CACNB2: variants seen among roughly 807,000 people sequenced by gnomAD.
The protein encoded by CACNB2 is calcium voltage-gated channel auxiliary subunit beta 2.
Under a neutral mutation model 73.3 loss-of-function variants are expected in CACNB2, and 42 were observed. That is an observed-to-expected ratio of 0.57 (90% CI 0.45 to 0.74). CACNB2 has a LOEUF of 0.74. Ranked by LOEUF, CACNB2 falls within the 30% of genes least tolerant of loss-of-function variation. The pLI, the probability that CACNB2 is intolerant of heterozygous loss-of-function variation, is 0.00. For synonymous variants in CACNB2, 348 were observed against 310.3 expected (o/e 1.12, Z -1.28); for missense variants, 940 against 853.0 (o/e 1.10, Z -1.27).
intron 3 of CACNB2, among the ~76,000 whole-genome samples, chr10:18,483,309 T>C (rs1279396335): frequency 6.6e-6 from 1 of 150,918 alleles, no homozygotes; most frequent in East Asian, 1.9e-4. Context: ...GGCCGGTGGA[T>C]CACCTGAGGT....
At chr10:18,328,895 C>G (rs1297393454) in intron 2 of CACNB2, among the ~76,000 whole-genome samples, 2 of 152,184 alleles carry the variant, frequency 1.3e-5, no homozygotes, top group African/African-American at 4.8e-5. Context: ...CTCCCAAAGA[C>G]TGTATTTATG....
At chr10:18,245,355 G>A (rs901516933) in intron 2 of CACNB2, among the ~76,000 whole-genome samples, 21 of 152,224 alleles carry the variant, frequency 1.4e-4, no homozygotes, top group African/African-American at 4.3e-4. Flanking sequence ...GTCTCACTCC[G>A]TTGCACAGGC....
intron 2 of CACNB2, among the ~76,000 whole-genome samples, chr10:18,151,731 A>G (rs995448338): frequency 6.6e-6 from 1 of 152,124 alleles, no homozygotes; most frequent in African/African-American, 2.4e-5. Context: ...ACCCCTCTCC[A>G]TGGGGTGGAA....
intron 2 of CACNB2, among the ~76,000 whole-genome samples, chr10:18,191,352 T>C (rs1030523922): frequency 1.3e-5 from 2 of 152,236 alleles, no homozygotes; most frequent in African/African-American, 4.8e-5. Flanking sequence ...CCCCCGTGTA[T>C]TGCTGCTTTT....
rs570805829 is a variant in CACNB2, at chr10:18,230,131, A to G, written c.213+79156A>G. ...GGAAATTATTGACATCATATTTTACATAGTTGGTTCAAAAGGGCTAACTCA... is the reference window on the plus strand; with the variant it reads ...GGAAATTATTGACATCATATTTTACGTAGTTGGTTCAAAAGGGCTAACTCA... On this transcript the variant is annotated intron_variant, in intron 2 of 13. Coordinates refer to ENST00000324631, the MANE Select transcript of CACNB2 (RefSeq NM_201596.3). 2.6e-5 allele frequency among the ~76,000 whole-genome samples: 4 copies of G among 152,338 alleles called. No individual in the cohort carries two copies. The South Asian group carries it at 8.3e-4, about 32-fold the overall frequency.
intron 6 of CACNB2, among the ~76,000 whole-genome samples, chr10:18,507,324 G>A (rs1303980290): frequency 6.6e-6 from 1 of 152,146 alleles, no homozygotes; most frequent in African/African-American, 2.4e-5. Flanking sequence ...AAGAAGTATA[G>A]AAAAAAGATG....
chr10:18,371,778 G>C (rs533184894), intron 2 of CACNB2, among the ~76,000 whole-genome samples: 2 of 152,108 alleles, frequency 1.3e-5, no homozygotes, highest in African/African-American at 4.8e-5. Context: ...GAATCACCAC[G>C]CTGACTTCCA....
intron 2 of CACNB2, among the ~76,000 whole-genome samples, chr10:18,384,184 G>A (rs75054099): frequency 6.6e-6 from 1 of 152,148 alleles, no homozygotes; most frequent in Non-Finnish European, 1.5e-5. Flanking sequence ...AGATCAATAG[G>A]ACCAGCATAT....
At chr10:18,261,200 CT>C (rs1464444774) in intron 2 of CACNB2, 3 of 1,549,506 alleles carry the variant, frequency 1.9e-6, no homozygotes, top group East Asian at 4.9e-5. Context: ...TGGACCGAGG[CT>C]GTGACGAGAA....
At chr10:18,389,674 C>G (rs2043379781) in intron 2 of CACNB2, among the ~76,000 whole-genome samples, 1 of 152,158 alleles carries the variant, frequency 6.6e-6, no homozygotes, top group Admixed American at 6.6e-5. Context: ...CTAGGTACAT[C>G]TAAATGCATG....
chr10:18,315,296 T>G (rs372166820), intron 2 of CACNB2, among the ~76,000 whole-genome samples: 266 of 151,670 alleles, frequency 1.8e-3, no homozygotes, highest in South Asian at 3.5e-3. Flanking sequence ...ATCACACCAC[T>G]GCACTCCAGC....
intron 2 of CACNB2, among the ~76,000 whole-genome samples, chr10:18,350,185 C>T (rs921670884): frequency 3.9e-5 from 6 of 152,124 alleles, no homozygotes; most frequent in African/African-American, 1.2e-4. Context: ...ATGGAGGTTG[C>T]AGTGAGCCGA....
intron 6 of CACNB2, among the ~76,000 whole-genome samples, chr10:18,507,565 A>C (rs907025825): frequency 6.6e-6 from 1 of 152,212 alleles, no homozygotes; most frequent in Non-Finnish European, 1.5e-5. Context: ...ATATTTGCTA[A>C]ATCTGGGAAC....
chr10:18,433,998 G>A (rs1007365433), intron 3 of CACNB2, among the ~76,000 whole-genome samples: 5 of 150,022 alleles, frequency 3.3e-5, no homozygotes, highest in Non-Finnish European at 5.9e-5. Context: ...CAAGAGCTTC[G>A]GTAGAGTTGT....
chr10:18,512,283 G>A (rs973374404), intron 6 of CACNB2, among the ~76,000 whole-genome samples: 2 of 151,658 alleles, frequency 1.3e-5, no homozygotes, highest in Non-Finnish European at 2.9e-5. Flanking sequence ...GTCACCAGAA[G>A]TCTTCCAATG....
intron 2 of CACNB2, among the ~76,000 whole-genome samples, chr10:18,192,194 C>A (rs533397524): frequency 6.6e-6 from 1 of 152,130 alleles, no homozygotes; most frequent in African/African-American, 2.4e-5. Context: ...ATCAAAGCAC[C>A]AGTGGATTTC....
chr10:18,469,760 A>G (rs1199172525), intron 3 of CACNB2, among the ~76,000 whole-genome samples: 4 of 152,212 alleles, frequency 2.6e-5, no homozygotes, highest in African/African-American at 9.6e-5. Context: ...AGTTACTATA[A>G]AATCGTAACC....
Position 18,177,979 on chromosome 10 carries a change from A to C in CACNB2, c.213+27004A>C, listed in dbSNP as rs141484594. Among the ~76,000 whole-genome samples, 16 of 152,294 alleles carry C rather than the reference A, an allele frequency of 1.1e-4. No homozygotes were observed. The East Asian group carries it at 3.1e-3, about 29-fold the overall frequency. Reference sequence around the variant, plus strand: ...AAGAGGCATATCATATGCATTTTGCAGCTAGACTCCCATCCACTGGCACAG... The same window carrying C: ...AAGAGGCATATCATATGCATTTTGCCGCTAGACTCCCATCCACTGGCACAG... On this transcript the variant is annotated intron_variant, in intron 2 of 13. Transcript: ENST00000324631.
chr10:18,525,110 G>C (rs2052342147), intron 9 of CACNB2, among the ~76,000 whole-genome samples: 2 of 150,782 alleles, frequency 1.3e-5, no homozygotes, highest in Admixed American at 6.6e-5. Context: ...TATTAAATAT[G>C]GAGCCAGCCA....
Sources: gnomAD v4.1 joint callset for allele counts (sites outside exome capture counted in the v4.1 genomes callset) on GRCh38, gnomAD v4.1.1 for gene constraint, MANE v1.5 for transcripts, NCBI Gene and HGNC (gene_info 2026-07-23, HGNC 2026-07-21) for gene names.